Variants in MLLT10 observed in about 807,000 individuals in gnomAD.
The protein encoded by MLLT10 is MLLT10 histone lysine methyltransferase DOT1L cofactor, also known as protein AF-10.
In MLLT10, 30 loss-of-function variants were observed where a neutral mutation model predicts 129.1. The ratio of observed to expected loss-of-function variants is 0.23; its 90% CI spans 0.17 to 0.32. MLLT10 has a LOEUF of 0.32. MLLT10 is among the 10% of genes least tolerant of loss of function. The pLI, the probability that MLLT10 is intolerant of heterozygous loss-of-function variation, is 1.00. For missense variants in MLLT10, 1,119 were observed against 1,268.3 expected (o/e 0.88, Z 1.79); for synonymous variants, 490 against 446.4 (o/e 1.10, Z -1.23).
chr10:21,717,360 T>A (rs2056658500), intron 14 of MLLT10, among the ~76,000 whole-genome samples: 1 of 122,748 alleles, frequency 8.1e-6, no homozygotes, highest in South Asian at 2.7e-4. Context: ...GAAACTTGAT[T>A]TGTGCTGGGA....
intron 9 of MLLT10, among the ~76,000 whole-genome samples, chr10:21,658,864 C>T (rs1430551262): frequency 1.3e-4 from 20 of 152,084 alleles, no homozygotes; most frequent in Non-Finnish European, 1.3e-4. Context: ...GATGGGGTTT[C>T]GCCGTGTTAG....
intron 10 of MLLT10, among the ~76,000 whole-genome samples, chr10:21,671,497 C>G (rs1356582383): frequency 6.6e-6 from 1 of 152,022 alleles, no homozygotes; most frequent in African/African-American, 2.4e-5. Context: ...TAAAAATTAG[C>G]TGGGTGTGAA....
Position 21,740,091 on chromosome 10 carries a change from C to T in MLLT10, c.3017C>T (p.Pro1006Leu). 6.2e-7 allele frequency: 1 copy of T among 1,614,086 alleles called. No individual in the cohort carries two copies. The highest frequency in any genetic ancestry group is 2.2e-5 in the East Asian group (1 of 44,876). Residue 1006 changes from proline to leucine, a missense_variant, in exon 22 of 23, where the codon CCT becomes CTT. Physicochemically the swap from Pro to Leu is moderately conservative, Grantham distance 98 (BLOSUM62 -3). Coordinates refer to ENST00000307729, the MANE Select transcript of MLLT10 (RefSeq NM_001195626.3). ...MQHHHQQHHQ[P>L]ELQQLQIPGP... ...CATCACCACCAGCAGCACCACCAAC[C>T]TGAACTTCAGCAGCTGCAGATCCCT...
intron 14 of MLLT10, among the ~76,000 whole-genome samples, chr10:21,722,248 A>C (rs189866917): frequency 1.4e-4 from 21 of 152,310 alleles, no homozygotes; most frequent in African/African-American, 4.1e-4. Context: ...GTACCAGCAG[A>C]TCCAAGGAGA....
At chr10:21,696,490 A>G (rs181593186) in intron 13 of MLLT10, among the ~76,000 whole-genome samples, 171 of 152,336 alleles carry the variant, frequency 1.1e-3, no homozygotes, top group African/African-American at 4.1e-3. Flanking sequence ...TACTCCAGTC[A>G]GGTCAAGAAT....
chr10:21,718,708 G>A (rs1395695961), intron 14 of MLLT10, among the ~76,000 whole-genome samples: 1 of 152,154 alleles, frequency 6.6e-6, no homozygotes, highest in African/African-American at 2.4e-5. Context: ...GATATTTCGT[G>A]TTTTTGTTGT....
chr10:21,737,013 A>G (rs2058423709), intron 21 of MLLT10, among the ~76,000 whole-genome samples: 1 of 152,148 alleles, frequency 6.6e-6, no homozygotes, highest in Admixed American at 6.5e-5. Context: ...AGGTGAAGGA[A>G]ATGTTTCCAG....
chr10:21,560,379 G>T (rs2038651140), intron 3 of MLLT10, among the ~76,000 whole-genome samples: 1 of 152,132 alleles, frequency 6.6e-6, no homozygotes, highest in South Asian at 2.1e-4. Flanking sequence ...ATGCATGAAG[G>T]TTCAGTCTTT....
intron 11 of MLLT10, among the ~76,000 whole-genome samples, chr10:21,674,239 AT>A (rs1204539973): frequency 2.6e-4 from 38 of 148,178 alleles, no homozygotes; most frequent in East Asian, 7.9e-4. Flanking sequence ...CCTGCACAGT[AT>A]TTTTTTTTTA....
At chr10:21,692,602 C>A (rs1197446591) in intron 13 of MLLT10, among the ~76,000 whole-genome samples, 1 of 152,002 alleles carries the variant, frequency 6.6e-6, no homozygotes, top group Non-Finnish European at 1.5e-5. Context: ...GCCTCAGCCT[C>A]TTGAGTAGCT....
chr10:21,737,870 A>G (rs764936636), intron 21 of MLLT10, among the ~76,000 whole-genome samples: 6 of 152,166 alleles, frequency 3.9e-5, no homozygotes, highest in Admixed American at 6.5e-5. Context: ...TTTATGTACT[A>G]TTTTGCTGCA....
At chr10:21,562,541 T>C (rs1424287575) in intron 3 of MLLT10, among the ~76,000 whole-genome samples, 1 of 151,852 alleles carries the variant, frequency 6.6e-6, no homozygotes, top group African/African-American at 2.4e-5. Flanking sequence ...TTTTACCATG[T>C]TGGCGAGGCT....
chr10:21,617,639 T>A (rs192853114), intron 8 of MLLT10, among the ~76,000 whole-genome samples: 1 of 152,214 alleles, frequency 6.6e-6, no homozygotes, highest in African/African-American at 2.4e-5. Context: ...ACTGGTTTAT[T>A]AATTTTTTCT....
At chr10:21,543,355 A>G (rs1048017218) in intron 3 of MLLT10, among the ~76,000 whole-genome samples, 6 of 152,074 alleles carry the variant, frequency 3.9e-5, no homozygotes, top group African/African-American at 1.4e-4. Flanking sequence ...TCCTGACCTC[A>G]GGTGATCCAC....
At chr10:21,570,070 C>T (rs1013741945) in intron 3 of MLLT10, among the ~76,000 whole-genome samples, 1 of 152,022 alleles carries the variant, frequency 6.6e-6, no homozygotes, top group Non-Finnish European at 1.5e-5. Flanking sequence ...TCACCATGCC[C>T]AGCTAATTTT....
chr10:21,730,611 T>C (rs1388849539), intron 16 of MLLT10, among the ~76,000 whole-genome samples: 1 of 152,250 alleles, frequency 6.6e-6, no homozygotes, highest in Non-Finnish European at 1.5e-5. Flanking sequence ...CAAGTTATTT[T>C]ACAGCCTATT....
At chr10:21,585,911 G>A (rs757309533) in intron 3 of MLLT10, among the ~76,000 whole-genome samples, 15 of 152,000 alleles carry the variant, frequency 9.9e-5, no homozygotes, top group African/African-American at 2.9e-4. Context: ...ACAGGCATGC[G>A]CTGCCAAGCC....
intron 13 of MLLT10, among the ~76,000 whole-genome samples, chr10:21,684,035 C>G (rs1363013167): frequency 1.3e-5 from 2 of 150,342 alleles, no homozygotes; most frequent in Non-Finnish European, 3.0e-5. Flanking sequence ...GAAGCAAGAT[C>G]TTGCTTTCTT....
intron 14 of MLLT10, among the ~76,000 whole-genome samples, chr10:21,717,952 CTTCT>C (rs1454226008): frequency 2.7e-5 from 4 of 147,676 alleles, no homozygotes; most frequent in African/African-American, 7.5e-5. Flanking sequence ...CTTCTTTCTT[CTTCT>C]TTCTTCTTCT....
Sources: allele counts gnomAD v4.1 joint callset (sites outside exome capture counted in the v4.1 genomes callset), GRCh38; gene constraint gnomAD v4.1.1; transcripts MANE v1.5; gene names NCBI Gene and HGNC (gene_info 2026-07-23, HGNC 2026-07-21).